The following CCDC170 variants were observed in gnomAD, a reference collection of about 807,000 sequenced individuals.
CCDC170 encodes the protein coiled-coil domain containing 170.
A neutral mutation model predicts 72.6 loss-of-function variants in CCDC170; 69 were observed. That is an observed-to-expected ratio of 0.95 (90% confidence interval 0.78 to 1.16). The LOEUF (loss-of-function observed/expected upper bound fraction) is 1.16. Among genes scored for constraint, CCDC170 ranks in the 50% most tolerant of loss-of-function variants. The pLI is 0.00. For missense variants in CCDC170, 852 were observed against 832.5 expected (o/e 1.02, Z -0.29); for synonymous variants, 300 against 303.9 (o/e 0.99, Z 0.13).
intron 5 of CCDC170, among the ~76,000 whole-genome samples, chr6:151,552,439 G>A (rs369992595): frequency 4.6e-5 from 7 of 152,178 alleles, no homozygotes; most frequent in African/African-American, 1.7e-4. Flanking sequence ...ATTACATCAT[G>A]GGTGGCAAAG....
chr6:151,526,556 G>A (rs948818397), intron 1 of CCDC170, among the ~76,000 whole-genome samples: 8 of 139,178 alleles, frequency 5.7e-5, no homozygotes, highest in Non-Finnish European at 9.2e-5. Flanking sequence ...TCGCTCTGTC[G>A]CCAGACTGGA....
chr6:151,613,889 A>G (rs1401447092), intron 9 of CCDC170, among the ~76,000 whole-genome samples: 9 of 152,138 alleles, frequency 5.9e-5, no homozygotes, highest in Non-Finnish European at 5.9e-5. Flanking sequence ...TGGTAATTCT[A>G]TGTTTAATAT....
intron 1 of CCDC170, among the ~76,000 whole-genome samples, chr6:151,534,489 T>C (rs1462325978): frequency 6.6e-6 from 1 of 152,236 alleles, no homozygotes; most frequent in East Asian, 1.9e-4. Flanking sequence ...GTGAAATCTC[T>C]TATAAGTGAC....
intron 1 of CCDC170, among the ~76,000 whole-genome samples, chr6:151,497,475 A>G (rs1052761401): frequency 2.6e-5 from 4 of 152,138 alleles, no homozygotes; most frequent in African/African-American, 4.8e-5. Context: ...TTAATGCTGC[A>G]CTCTTCTCAA....
chr6:151,547,494 A>G (rs2115057660), intron 4 of CCDC170, among the ~76,000 whole-genome samples: 1 of 152,146 alleles, frequency 6.6e-6, no homozygotes, highest in Admixed American at 6.5e-5. Context: ...GAGGAGAGAG[A>G]TCATGCAAAT....
chr6:151,567,617 T>C (rs1449807504), intron 5 of CCDC170, among the ~76,000 whole-genome samples: 2 of 152,228 alleles, frequency 1.3e-5, no homozygotes, highest in Non-Finnish European at 2.9e-5. Flanking sequence ...ATAGTTATGT[T>C]TAAATATGAT....
intron 6 of CCDC170, among the ~76,000 whole-genome samples, chr6:151,575,461 A>G (rs1776287714): frequency 6.7e-6 from 1 of 148,774 alleles, no homozygotes; most frequent in Admixed American, 6.7e-5. Flanking sequence ...TCTGAAATTC[A>G]CGCATACTCT....
At chr6:151,609,786 G>A (rs1776841425) in intron 9 of CCDC170, among the ~76,000 whole-genome samples, 1 of 152,190 alleles carries the variant, frequency 6.6e-6, no homozygotes, top group Non-Finnish European at 1.5e-5. Context: ...TCCCTGTTCT[G>A]CCCTGGTGGC....
At chr6:151,599,716 C>A (rs9397067) in intron 9 of CCDC170, among the ~76,000 whole-genome samples, 60,887 of 151,854 alleles carry the variant, frequency 0.4, 17,338 homozygotes, top group African/African-American at 0.78. Context: ...TACAGCAGTG[C>A]GATAATGACT....
At chr6:151,586,201 T>C in intron 7 of CCDC170, 112 bp downstream of exon 7, 2 of 1,052,638 alleles carry the variant, frequency 1.9e-6, no homozygotes, top group East Asian at 2.6e-5. Flanking sequence ...CTGGACTTAA[T>C]TGGTTAAGTC....
At position 151,544,486 on chromosome 6, in the gene CCDC170, C is replaced by T. The variant is rs905010828; in HGVS notation, c.444-86C>T. On this transcript the variant is annotated intron_variant, in intron 3 of 10. Transcript: ENST00000239374. ...TGTGTTGAAAATGACAATTATTTCC[C>T]CCATAGAGCTTATATTCTGACTTGG... is the stretch of plus-strand genomic sequence containing the variant. The T allele has an allele frequency of 4.0e-6, 5 of 1,249,292 alleles. No individual in the cohort carries two copies. In the Admixed American group the frequency reaches 1.2e-4, roughly 29 times the overall value. The allele number at this position is 1,249,292 out of a possible 1,614,324, so 77.4% of individuals were successfully genotyped here.
chr6:151,593,758 C>A (rs1416481285), intron 8 of CCDC170, among the ~76,000 whole-genome samples: 2 of 151,574 alleles, frequency 1.3e-5, no homozygotes, highest in African/African-American at 2.4e-5. Context: ...AATAGGGCTG[C>A]AAAAGAACAA....
intron 6 of CCDC170, among the ~76,000 whole-genome samples, chr6:151,580,952 C>G (rs532613843): frequency 1.3e-5 from 2 of 152,098 alleles, no homozygotes; most frequent in African/African-American, 2.4e-5. Context: ...TGCAATAACC[C>G]TATATCTAAA....
At chr6:151,508,339 T>C (rs4870022) in intron 1 of CCDC170, among the ~76,000 whole-genome samples, 22,834 of 149,662 alleles carry the variant, frequency 0.15, 2,259 homozygotes, top group East Asian at 0.39. Flanking sequence ...GGAGTTTGAG[T>C]CTAGCCTGGC....
In CCDC170 at chr6:151,618,611, A is replaced by G. The variant is rs1777008054; in HGVS notation, c.*464A>G. The stretch of plus-strand genomic sequence containing the variant: ...TGGACAACTCATTGGCCCTGCCTCA[A>G]AAGCCATACCTCTTCTCCTGCTATG... On this transcript the variant is annotated 3_prime_UTR_variant, in exon 11 of 11. Transcript: ENST00000239374. 1 of 164,960 alleles carries G rather than the reference A, an allele frequency of 6.1e-6. No homozygotes were observed. The highest frequency in any genetic ancestry group is 1.5e-4 in the South Asian group (1 of 6,500). The allele number at this position is 164,960 out of a possible 1,614,324, so 10.2% of individuals were successfully genotyped here. A position where few individuals can be genotyped will look rare whatever the true frequency, so the allele number is the denominator to read the frequency against.
chr6:151,574,492 T>C (rs766988276), intron 6 of CCDC170, among the ~76,000 whole-genome samples: 6 of 152,076 alleles, frequency 3.9e-5, no homozygotes, highest in Non-Finnish European at 7.4e-5. Context: ...TGTTTTTGAG[T>C]TCAGAATTTT....
chr6:151,562,184 G>A (rs903767169), intron 5 of CCDC170, among the ~76,000 whole-genome samples: 6 of 151,860 alleles, frequency 4.0e-5, no homozygotes, highest in Admixed American at 2.0e-4. Context: ...GAGTTTCCTT[G>A]CAATCCGTAT....
In CCDC170 at chr6:151,538,077, A is replaced by G; in HGVS notation, c.219A>G (p.Lys73=). The G allele has an allele frequency of 6.2e-7, 1 of 1,613,712 alleles. No homozygotes were observed. Among genetic ancestry groups the G allele is most frequent in the Non-Finnish European group, 8.5e-7 (1 of 1,179,888 alleles). ...ACCTCCGATCCAAGATGCTTTCTAA[A>G]GAAGTCTCCTGTCAAGAACTGAAAG... ...LQDLRSKMLS[K]EVSCQELKAE... is the part of the protein sequence containing the mutation. The change falls in exon 3 of 11, where the codon AAA becomes AAG. Residue 73 remains lysine, a synonymous_variant. Coordinates refer to ENST00000239374, the MANE Select transcript of CCDC170 (RefSeq NM_025059.4).
intron 5 of CCDC170, among the ~76,000 whole-genome samples, chr6:151,564,387 A>G (rs893895198): frequency 6.6e-6 from 1 of 151,872 alleles, no homozygotes. Flanking sequence ...TCAGGCCCCG[A>G]TGGGAACAGC....
Sources: allele counts gnomAD v4.1 joint callset (sites outside exome capture counted in the v4.1 genomes callset), GRCh38; gene constraint gnomAD v4.1.1; transcripts MANE v1.5; gene names NCBI Gene and HGNC (gene_info 2026-07-23, HGNC 2026-07-21).